Variants in LRRIQ3 observed in about 807,000 individuals in gnomAD.
LRRIQ3 encodes the protein leucine-rich repeat and IQ domain-containing protein 3.
LRRIQ3 carries 75 observed loss-of-function variants against 59.3 expected under a neutral mutation model. The observed-to-expected ratio is 1.26, with a 90% CI of 1.05 to 1.53. The LOEUF (loss-of-function observed/expected upper bound fraction) is 1.53. Among genes scored for constraint, LRRIQ3 ranks in the 40% most tolerant of loss-of-function variants. The probability of loss-of-function intolerance (pLI) is 0.00; values close to 1 mark genes in which losing one functional copy is unlikely to be tolerated. For synonymous variants in LRRIQ3, 250 were observed against 231.3 expected, an observed-to-expected ratio of 1.08 and a Z score of -0.73; for missense variants, 831 against 710.0, an observed-to-expected ratio of 1.17 and a Z score of -1.94.
intron 6 of LRRIQ3, among the ~76,000 whole-genome samples, chr1:74,060,188 TTTCTTCTTC>T (rs1322871460): frequency 3.7e-4 from 41 of 111,626 alleles, no homozygotes; most frequent in Admixed American, 3.1e-3. Flanking sequence ...TCTTCTTCTT[TTTCTTCTTC>T]TTCTTCTTCT....
chr1:74,092,534 G>C (rs1646405818), intron 5 of LRRIQ3, among the ~76,000 whole-genome samples: 1 of 151,972 alleles, frequency 6.6e-6, no homozygotes, highest in Admixed American at 6.6e-5. Flanking sequence ...CACTTTGGAA[G>C]GCAGGCTACA....
chr1:74,165,288 A>ACAT (rs1393528351), intron 3 of LRRIQ3, among the ~76,000 whole-genome samples: 2 of 151,536 alleles, frequency 1.3e-5, no homozygotes, highest in Non-Finnish European at 3.0e-5. Context: ...AGTGTTATGT[A>ACAT]GTTTTCAGCG....
chr1:74,166,725 T>TATTTTTAAAA (rs1649013484), intron 3 of LRRIQ3, among the ~76,000 whole-genome samples: 2 of 151,926 alleles, frequency 1.3e-5, no homozygotes, highest in African/African-American at 4.8e-5. Context: ...TAAAACTTTG[T>TATTTTTAAAA]ATTTGTATTT....
intron 4 of LRRIQ3, among the ~76,000 whole-genome samples, chr1:74,151,658 G>A (rs2100658702): frequency 6.6e-6 from 1 of 152,226 alleles, no homozygotes; most frequent in African/African-American, 2.4e-5. Context: ...AGATCTAAAG[G>A]ATCTGAAGCA....
chr1:74,141,149 A>G (rs1385190719), intron 4 of LRRIQ3, among the ~76,000 whole-genome samples: 1 of 151,866 alleles, frequency 6.6e-6, no homozygotes, highest in Non-Finnish European at 1.5e-5. Context: ...TCAACACCTA[A>G]AACACCTAAA....
chr1:74,039,131 T>C (rs1370081875), intron 7 of LRRIQ3, among the ~76,000 whole-genome samples: 2 of 152,084 alleles, frequency 1.3e-5, no homozygotes, highest in African/African-American at 4.8e-5. Flanking sequence ...GAGAGGAACA[T>C]AAATGCCCTG....
intron 6 of LRRIQ3, among the ~76,000 whole-genome samples, chr1:74,047,224 AAATGTGGCACATATACAC>A (rs1469924631): frequency 6.6e-6 from 1 of 152,216 alleles, no homozygotes; most frequent in East Asian, 1.9e-4. Context: ...TGGATAAAGA[AAATGTGGCACATATACAC>A]CACAGAATAC....
chr1:74,170,933 T>C (rs753918336), intron 3 of LRRIQ3, among the ~76,000 whole-genome samples: 3 of 152,174 alleles, frequency 2.0e-5, no homozygotes, highest in Non-Finnish European at 4.4e-5. Flanking sequence ...TCTGGTGCTA[T>C]TTTAAATGAG....
chr1:74,109,537 T>C lies in LRRIQ3; in HGVS notation c.724A>G (p.Lys242Glu). ...ATAATTTTTTCCTGCTGTTTTTTTT[T>C]GTGGAAAAACACAGGGCTGAATATA... is the stretch of plus-strand genomic sequence containing the variant. ...RKNLSPVFFH[K>E]KKQQEKIIRG... The change falls in exon 5 of 8, where the codon AAA becomes GAA. Residue 242 changes from lysine to glutamate, a missense_variant. By Grantham distance (56) the Lys-to-Glu change is moderately conservative. Coordinates refer to ENST00000354431, the MANE Select transcript of LRRIQ3 (RefSeq NM_001105659.2). The C allele has an allele frequency of 6.4e-7, 1 of 1,562,042 alleles. No individual in the cohort carries two copies. The highest frequency in any genetic ancestry group is 8.6e-7 in the Non-Finnish European group (1 of 1,161,442).
At chr1:74,110,448 A>C (rs1352581446) in intron 4 of LRRIQ3, among the ~76,000 whole-genome samples, 1 of 152,010 alleles carries the variant, frequency 6.6e-6, no homozygotes, top group Non-Finnish European at 1.5e-5. Flanking sequence ...TGATTATATA[A>C]GTACACACAG....
At chr1:74,125,332 T>C (rs1384071067) in intron 4 of LRRIQ3, among the ~76,000 whole-genome samples, 3 of 151,972 alleles carry the variant, frequency 2.0e-5, no homozygotes, top group African/African-American at 7.2e-5. Context: ...CCTTTCCAAT[T>C]TGAATGCCCT....
chr1:74,124,568 C>G (rs1051668033), intron 4 of LRRIQ3, among the ~76,000 whole-genome samples: 49 of 151,890 alleles, frequency 3.2e-4, no homozygotes, highest in African/African-American at 1.2e-3. Flanking sequence ...AATATCATTG[C>G]TCTGACTGCA....
rs148937627 is a variant in LRRIQ3, at chr1:74,027,617, C to T, written c.1719-648G>A. On this transcript the variant is annotated intron_variant, in intron 7 of 7. Transcript: ENST00000354431. ...TCCAGAACTGGGAGAAAATAAATTACTGTTTAAGCCACCCAGCCTGTGATA... is the reference window on the plus strand; with the variant it reads ...TCCAGAACTGGGAGAAAATAAATTATTGTTTAAGCCACCCAGCCTGTGATA... Among the ~76,000 whole-genome samples, 4 of 152,160 alleles carry T rather than the reference C, an allele frequency of 2.6e-5. No individual in the cohort carries two copies. In the East Asian group the frequency reaches 5.8e-4, roughly 22 times the overall value.
chr1:74,112,777 G>A (rs1434943381), intron 4 of LRRIQ3, among the ~76,000 whole-genome samples: 1 of 152,106 alleles, frequency 6.6e-6, no homozygotes, highest in East Asian at 1.9e-4. Context: ...AGGGAAAATA[G>A]ACTTCACTAA....
At chr1:74,145,312 C>T (rs1263451570) in intron 4 of LRRIQ3, among the ~76,000 whole-genome samples, 2 of 152,064 alleles carry the variant, frequency 1.3e-5, no homozygotes, top group Non-Finnish European at 2.9e-5. Flanking sequence ...GACAAGTAGC[C>T]AATAGTAACA....
At chr1:74,176,047 T>C (rs968878568) in intron 3 of LRRIQ3, among the ~76,000 whole-genome samples, 12 of 152,216 alleles carry the variant, frequency 7.9e-5, no homozygotes, top group African/African-American at 2.9e-4. Context: ...CCCATATTTT[T>C]GCTTACCATG....
chr1:74,107,602 G>T (rs990027245), intron 5 of LRRIQ3, among the ~76,000 whole-genome samples: 1 of 149,154 alleles, frequency 6.7e-6, no homozygotes, highest in Non-Finnish European at 1.5e-5. Flanking sequence ...AATAAAATAA[G>T]AATAATGAAA....
At chr1:74,157,784 C>A (rs1360664104) in intron 3 of LRRIQ3, among the ~76,000 whole-genome samples, 2 of 152,024 alleles carry the variant, frequency 1.3e-5, no homozygotes, top group African/African-American at 2.4e-5. Flanking sequence ...CTCCATGTTG[C>A]TTTTTAATCT....
intron 4 of LRRIQ3, among the ~76,000 whole-genome samples, chr1:74,133,804 T>C (rs926260735): frequency 2.0e-5 from 3 of 151,986 alleles, no homozygotes; most frequent in African/African-American, 7.2e-5. Context: ...GGCACATGTA[T>C]ACATATGTAA....
Sources: allele counts gnomAD v4.1 joint callset (sites outside exome capture counted in the v4.1 genomes callset), GRCh38; gene constraint gnomAD v4.1.1; transcripts MANE v1.5; gene names NCBI Gene and HGNC (gene_info 2026-07-23, HGNC 2026-07-21).